Variants in PFKP observed in about 807,000 individuals in gnomAD.
PFKP encodes phosphofructokinase, platelet, also known as ATP-dependent 6-phosphofructokinase, platelet type.
A neutral mutation model predicts 94.3 loss-of-function variants in PFKP; 101 were observed. That is an observed-to-expected ratio of 1.07 (90% confidence interval 0.91 to 1.26). The LOEUF (loss-of-function observed/expected upper bound fraction) is 1.26. Among genes scored for constraint, PFKP ranks in the 50% most tolerant of loss-of-function variants. The probability of loss-of-function intolerance (pLI) is 0.00; values close to 1 mark genes in which losing one functional copy is unlikely to be tolerated. For synonymous variants in PFKP, 573 were observed against 432.6 expected, an observed-to-expected ratio of 1.32 and a Z score of -4.03; for missense variants, 1,145 against 1,103.3, an observed-to-expected ratio of 1.04 and a Z score of -0.53.
chr10:3,131,058 GCA>G (rs906317872), intron 17 of PFKP, among the ~76,000 whole-genome samples: 4 of 139,668 alleles, frequency 2.9e-5, no homozygotes, highest in African/African-American at 7.9e-5. Flanking sequence ...CCAAACAGGT[GCA>G]GTTTTTTATC....
chr10:3,103,927 C>T lies in PFKP; in HGVS notation c.603C>T (p.Ile201=), dbSNP rs1048779314. 5.0e-6 allele frequency: 8 copies of T among 1,613,506 alleles called. No individual in the cohort carries two copies. The African/African-American group carries it at 8.0e-5, about 16-fold the overall frequency. Residue 201 remains isoleucine, a synonymous_variant, in exon 5 of 22, where the codon ATC becomes ATT. Coordinates refer to ENST00000381125, the MANE Select transcript of PFKP (RefSeq NM_002627.5). ...LHRIIEVVDA[I]MTTAQSHQRT... is the part of the protein sequence containing the mutation. ...GGATCATCGAGGTCGTCGACGCCAT[C>T]ATGACCACGGCCCAGAGGTAAAGCG...
rs374636621 is a variant in PFKP, at chr10:3,109,404, C to T, written c.1013C>T (p.Pro338Leu). ...EAVIALLEATPDTPACVVSLN... is the reference protein window; with the variant it reads ...EAVIALLEATLDTPACVVSLN... Reference sequence around the variant, plus strand: ...GTCATCGCCTTGCTAGAGGCCACCCCGGACACCCCAGCTTGCGTCGTGTCA... The same window carrying T: ...GTCATCGCCTTGCTAGAGGCCACCCTGGACACCCCAGCTTGCGTCGTGTCA... Residue 338 changes from proline to leucine, a missense_variant, in exon 10 of 22, where the codon CCG (proline) becomes CTG (leucine). By Grantham distance (98) the Pro-to-Leu change is moderately conservative. Transcript: ENST00000381125. 11 of 1,610,450 alleles carry T rather than the reference C, an allele frequency of 6.8e-6. No individual in the cohort carries two copies. The highest frequency in any genetic ancestry group is 4.0e-5 in the African/African-American group (3 of 74,922).
At chr10:3,133,574 G>T (rs934252198) in intron 19 of PFKP, among the ~76,000 whole-genome samples, 1 of 152,138 alleles carries the variant, frequency 6.6e-6, no homozygotes. Flanking sequence ...GGCAGTATAG[G>T]CACCCACCAC....
chr10:3,077,433 T>G (rs1310977732), intron 1 of PFKP, among the ~76,000 whole-genome samples: 2 of 151,578 alleles, frequency 1.3e-5, no homozygotes, highest in Non-Finnish European at 2.9e-5. Context: ...GGCTAATTTT[T>G]TTTTTTGTAT....
intron 20 of PFKP, among the ~76,000 whole-genome samples, chr10:3,134,820 C>T (rs1353149998): frequency 6.6e-6 from 1 of 152,244 alleles, no homozygotes; most frequent in Non-Finnish European, 1.5e-5. Context: ...ATGCAGTCTG[C>T]AGTTCTTTTG....
chr10:3,128,784 A>G (rs1303004777), intron 16 of PFKP, among the ~76,000 whole-genome samples: 1 of 152,148 alleles, frequency 6.6e-6, no homozygotes, highest in Non-Finnish European at 1.5e-5. Flanking sequence ...GAGCATTCCC[A>G]GGTTCCAGGG....
rs143053552 is a variant in PFKP at position 3,087,595 on chromosome 10, C to T, written c.186+5134C>T. On this transcript the variant is annotated intron_variant, in intron 2 of 21. Coordinates refer to ENST00000381125, the MANE Select transcript of PFKP (RefSeq NM_002627.5). ...TGATAACTTTTATAGTAAGTGGCAC[C>T]TTCGAAGCTGTCTAGGAGCAGAGCT... Among the ~76,000 whole-genome samples, 4 of 152,292 alleles carry T rather than the reference C, an allele frequency of 2.6e-5. No individual in the cohort carries two copies. In the East Asian group the frequency reaches 7.7e-4, roughly 29 times the overall value.
chr10:3,086,589 C>T (rs769581744), intron 2 of PFKP, among the ~76,000 whole-genome samples: 80 of 152,126 alleles, frequency 5.3e-4, no homozygotes, highest in Non-Finnish European at 9.1e-4. Context: ...AGGACCACAC[C>T]CCACAAAGAA....
chr10:3,090,382 G>A (rs999090767), intron 2 of PFKP, among the ~76,000 whole-genome samples: 1 of 152,150 alleles, frequency 6.6e-6, no homozygotes, highest in South Asian at 2.1e-4. Flanking sequence ...CTGTCTCCCT[G>A]GTAGAAAGGA....
intron 13 of PFKP, among the ~76,000 whole-genome samples, chr10:3,114,599 G>A (rs1836604925): frequency 6.6e-6 from 1 of 152,258 alleles, no homozygotes; most frequent in Non-Finnish European, 1.5e-5. Flanking sequence ...GCAGTGCTCA[G>A]AGGCATGCCG....
chr10:3,109,142 C>T (rs1222249477), intron 9 of PFKP, among the ~76,000 whole-genome samples: 1 of 152,216 alleles, frequency 6.6e-6, no homozygotes, highest in African/African-American at 2.4e-5. Context: ...CAGTTCTTAA[C>T]ACTCCTGCTC....
intron 16 of PFKP, among the ~76,000 whole-genome samples, chr10:3,121,823 TTTTTTTTC>T (rs1162781172): frequency 0.013 from 739 of 57,904 alleles, 39 homozygotes; most frequent in African/African-American, 0.035. Context: ...TTTTTTTTTT[TTTTTTTTC>T]TTTTTTTGGA....
rs150364323 is a variant in PFKP at position 3,084,328 on chromosome 10, CT to C, written c.186+1868del. Among the ~76,000 whole-genome samples, 1,513 of 152,292 alleles carry C rather than the reference CT, an allele frequency of 9.9e-3. 20 individuals are homozygous for C. The highest frequency in any genetic ancestry group is 0.014 in the Non-Finnish European group (981 of 68,024). ...CCTTCTGAGCACTGGCAGGTTTCCC[CT>C]GTCTGCTTTCTAAGCCATGTTTCCC... On this transcript the variant is annotated intron_variant, in intron 2 of 21. Coordinates refer to ENST00000381125, the MANE Select transcript of PFKP (RefSeq NM_002627.5).
rs1292736406 is a variant in PFKP, at chr10:3,123,968, G to GCC, written c.1683+3924_1683+3925insCC. Among the ~76,000 whole-genome samples the GCC allele has an allele frequency of 2.7e-4, 41 of 150,124 alleles. 3 individuals are homozygous for GCC. The highest frequency in any genetic ancestry group is 9.7e-5 in the African/African-American group (4 of 41,334). On this transcript the variant is annotated intron_variant, in intron 16 of 21. Coordinates refer to ENST00000381125, the MANE Select transcript of PFKP (RefSeq NM_002627.5). ...CTTGTGGTCACCCAGCACTGACCCC[G>GCC]TTCACAGCTCGCCTTGTGGTCACCC...
chr10:3,067,840 G>A (rs1831848781), intron 1 of PFKP, 133 bp downstream of exon 1: 2 of 479,192 alleles, frequency 4.2e-6, no homozygotes, highest in South Asian at 3.3e-5. Context: ...GTGGCGAAGC[G>A]ATGGGGAGAA....
intron 10 of PFKP, among the ~76,000 whole-genome samples, chr10:3,110,054 T>G (rs755899672): frequency 5.3e-5 from 8 of 152,166 alleles, no homozygotes; most frequent in Non-Finnish European, 1.0e-4. Context: ...GGGAAAGCTC[T>G]GGTCACCCGA....
At chr10:3,103,747 G>C (rs918802619) in intron 4 of PFKP, 32 bp from the exon 5 acceptor site, 1 of 1,611,660 alleles carries the variant, frequency 6.2e-7, no homozygotes, top group African/African-American at 1.3e-5. Flanking sequence ...CATGGTTACG[G>C]CGATGAGACG....
In PFKP at chr10:3,109,453, C is replaced by T; in HGVS notation, c.1062C>T (p.Arg354=). Residue 354 remains arginine (R), a synonymous_variant, in exon 10 of 22, where the codon CGC becomes CGT. Transcript: ENST00000381125. ...VVSLNGNHAV[R]LPLMECVQMT... is the part of the protein sequence containing the mutation. ...CACTGAACGGGAACCACGCCGTGCG[C>T]CTGCCGCTGATGGAGTGCGTGCAGA... 6.2e-7 allele frequency: 1 copy of T among 1,606,896 alleles called. No individual in the cohort carries two copies. Among genetic ancestry groups the T allele is most frequent in the Non-Finnish European group, 8.5e-7 (1 of 1,179,892 alleles).
rs770314297 is a variant in PFKP at position 3,105,137 on chromosome 10, G to A, written c.643G>A (p.Glu215Lys). The A allele has an allele frequency of 1.2e-5, 20 of 1,613,868 alleles. No individual in the cohort carries two copies. The South Asian group carries it at 2.2e-4, about 18-fold the overall frequency. ...AQSHQRTFVL[E>K]VMGRHCGYLA... is the part of the protein sequence containing the mutation. ...CAGCCACCAGAGGACCTTCGTTCTG[G>A]AGGTGATGGGACGACACTGTGGGTA... The change falls in exon 6 of 22, where the codon GAG (glutamate) becomes AAG (lysine). Residue 215 changes from glutamate to lysine, a missense_variant. Physicochemically the swap from Glu to Lys is moderately conservative, Grantham distance 56. Around this residue, in one of 3 missense-constraint regions of PFKP, gnomAD observed 1,119 missense variants for 1,062.8 expected, o/e 1.05. Coordinates refer to ENST00000381125, the MANE Select transcript of PFKP (RefSeq NM_002627.5).
Sources: gnomAD v4.1 joint callset for allele counts (sites outside exome capture counted in the v4.1 genomes callset) on GRCh38, gnomAD v4.1.1 for gene constraint, gnomAD v4.1.1 regional missense constraint, MANE v1.5 for transcripts, NCBI Gene and HGNC (gene_info 2026-07-23, HGNC 2026-07-21) for gene names.